Variants in MTHFD2L observed in about 807,000 individuals in gnomAD.
The protein encoded by MTHFD2L is bifunctional methylenetetrahydrofolate dehydrogenase/cyclohydrolase 2, mitochondrial.
In MTHFD2L, 29 loss-of-function variants were observed where a neutral mutation model predicts 34.9. The observed-to-expected ratio is 0.83, with a 90% CI of 0.62 to 1.13. The LOEUF (loss-of-function observed/expected upper bound fraction) is 1.13. Ranked by LOEUF, MTHFD2L falls within the 50% of genes most tolerant of loss-of-function variation. The pLI is 0.00. For synonymous variants in MTHFD2L, 167 were observed against 155.7 expected (o/e 1.07, Z -0.54); for missense variants, 481 against 446.5 (o/e 1.08, Z -0.70).
In MTHFD2L at chr4:74,133,640, G is replaced by A. The variant is rs965055653; in HGVS notation, c.-297+8123G>A. On this transcript the variant is annotated intron_variant, in intron 1 of 7. Transcript: ENST00000433372. The stretch of plus-strand genomic sequence containing the variant: ...TTCAATTCAGCAAATGTGGTTCTCC[G>A]TTCCAAGATTTCTGTTTCATTTTTA... 4.6e-5 allele frequency among the ~76,000 whole-genome samples: 7 copies of A among 152,006 alleles called. 1 individual carries two copies. The South Asian group carries it at 6.2e-4, about 14-fold the overall frequency.
upstream of MTHFD2L, among the ~76,000 whole-genome samples, chr4:74,124,372 A>G (rs1721929869): frequency 1.3e-5 from 2 of 151,846 alleles, no homozygotes. Flanking sequence ...ATCATTGTTT[A>G]TCTCCTATAA....
intron 7 of MTHFD2L, among the ~76,000 whole-genome samples, chr4:74,285,938 A>G (rs1560562112): frequency 6.6e-6 from 1 of 152,162 alleles, no homozygotes; most frequent in Non-Finnish European, 1.5e-5. Context: ...TAGGTTGTTC[A>G]CTGTGGAAGG....
intron 3 of MTHFD2L, among the ~76,000 whole-genome samples, chr4:74,182,497 C>G (rs1730384677): frequency 6.6e-6 from 1 of 152,146 alleles, no homozygotes. Flanking sequence ...CCTCTTACCT[C>G]TTCACTATAT....
At chr4:74,169,077 G>A (rs565091909) in intron 1 of MTHFD2L, among the ~76,000 whole-genome samples, 2 of 152,264 alleles carry the variant, frequency 1.3e-5, no homozygotes, top group Non-Finnish European at 1.5e-5. Flanking sequence ...GGAGTCAGTT[G>A]GAGGGGCCAG....
At chr4:74,263,431 AATG>A (rs1744918747) in intron 6 of MTHFD2L, among the ~76,000 whole-genome samples, 1 of 151,934 alleles carries the variant, frequency 6.6e-6, no homozygotes, top group African/African-American at 2.4e-5. Context: ...TGGCCATTTT[AATG>A]ATATTGATTC....
upstream of MTHFD2L, among the ~76,000 whole-genome samples, chr4:74,124,733 A>G (rs1312635928): frequency 1.3e-5 from 2 of 152,070 alleles, no homozygotes; most frequent in African/African-American, 4.8e-5. Flanking sequence ...CCATTGTGCC[A>G]AGTATTAGTA....
At chr4:74,128,532 T>C (rs1191627572) in intron 1 of MTHFD2L, among the ~76,000 whole-genome samples, 1 of 152,138 alleles carries the variant, frequency 6.6e-6, no homozygotes, top group Non-Finnish European at 1.5e-5. Context: ...GCTATAAATG[T>C]GTTTATTGAT....
chr4:74,297,911 A>G (rs1034498866), intron 7 of MTHFD2L, among the ~76,000 whole-genome samples: 1 of 152,124 alleles, frequency 6.6e-6, no homozygotes, highest in African/African-American at 2.4e-5. Flanking sequence ...ATCCACTGGC[A>G]CTTGCCAATA....
At chr4:74,205,847 A>T (rs1735201937) in intron 5 of MTHFD2L, among the ~76,000 whole-genome samples, 1 of 151,338 alleles carries the variant, frequency 6.6e-6, no homozygotes, top group African/African-American at 2.4e-5. Flanking sequence ...GAACAAGGGG[A>T]TATGATATAC....
intron 7 of MTHFD2L, among the ~76,000 whole-genome samples, chr4:74,300,602 C>T (rs1750178507): frequency 6.6e-6 from 1 of 151,992 alleles, no homozygotes; most frequent in Admixed American, 6.6e-5. Context: ...AACTTCATTG[C>T]TCTTATTCAC....
chr4:74,151,097 G>A (rs904395055), intron 1 of MTHFD2L, among the ~76,000 whole-genome samples: 1 of 151,962 alleles, frequency 6.6e-6, no homozygotes, highest in Non-Finnish European at 1.5e-5. Flanking sequence ...ATATTGACAT[G>A]TATATAGATA....
Position 74,267,291 on chromosome 4 carries a change from T to A in MTHFD2L, c.806-14134T>A, listed in dbSNP as rs190890685. 72 of 824,516 alleles carry A rather than the reference T, an allele frequency of 8.7e-5. 1 individual carries two copies. Among genetic ancestry groups the A allele is most frequent in the Middle Eastern group, 6.0e-4 (1 of 1,664 alleles). 51.1% of individuals were successfully genotyped at this position (824,516 alleles called of 1,614,324 possible). ...ACATTTCTTTTTTCTATTCTATTCT[T>A]TTCTTTTCTTTTCTTTTCTTTCTTT... is the stretch of plus-strand genomic sequence containing the variant. On this transcript the variant is annotated intron_variant, in intron 6 of 7. Coordinates refer to ENST00000325278, the MANE Select transcript of MTHFD2L (RefSeq NM_001144978.3).
At chr4:74,189,701 A>C (rs1002945838) in intron 3 of MTHFD2L, among the ~76,000 whole-genome samples, 10 of 152,054 alleles carry the variant, frequency 6.6e-5, no homozygotes, top group African/African-American at 2.4e-4. Context: ...ATTATCAAAA[A>C]TTTGTTATAT....
intron 6 of MTHFD2L, among the ~76,000 whole-genome samples, chr4:74,271,557 T>C (rs1353193902): frequency 6.6e-6 from 1 of 152,256 alleles, no homozygotes; most frequent in Non-Finnish European, 1.5e-5. Flanking sequence ...AGTACCATGC[T>C]GTTTTGGTTA....
At chr4:74,188,778 GTA>G (rs66478426) in intron 3 of MTHFD2L, among the ~76,000 whole-genome samples, 6,376 of 9,454 alleles carry the variant, frequency 0.67, 2,167 homozygotes, top group African/African-American at 0.79. Context: ...GTATACATAT[GTA>G]TATATATATG....
intron 1 of MTHFD2L, among the ~76,000 whole-genome samples, chr4:74,173,755 T>C (rs1250745159): frequency 6.6e-6 from 1 of 152,196 alleles, no homozygotes; most frequent in East Asian, 1.9e-4. Context: ...ATAGCAGAAC[T>C]TTAAATTTAG....
chr4:74,220,706 CTCT>C (rs1370112389), intron 5 of MTHFD2L, among the ~76,000 whole-genome samples: 2 of 151,370 alleles, frequency 1.3e-5, no homozygotes, highest in African/African-American at 4.8e-5. Flanking sequence ...ATAATGGGGC[CTCT>C]TCTTACAATG....
intron 5 of MTHFD2L, among the ~76,000 whole-genome samples, chr4:74,215,204 G>A (rs1441457115): frequency 6.6e-6 from 1 of 151,690 alleles, no homozygotes; most frequent in Non-Finnish European, 1.5e-5. Context: ...CAGAGTGAAC[G>A]GTTCTGTCTC....
upstream of MTHFD2L, among the ~76,000 whole-genome samples, chr4:74,154,597 T>G (rs1327565721): frequency 2.0e-5 from 3 of 152,192 alleles, no homozygotes; most frequent in Non-Finnish European, 4.4e-5. Flanking sequence ...CCCTTTCAGT[T>G]GGCTCCTGTC....
Sources: gnomAD v4.1 joint callset for allele counts (sites outside exome capture counted in the v4.1 genomes callset) on GRCh38, gnomAD v4.1.1 for gene constraint, MANE v1.5 for transcripts, NCBI Gene and HGNC (gene_info 2026-07-23, HGNC 2026-07-21) for gene names.